MYO1B: variants seen among roughly 807,000 people sequenced by gnomAD.
MYO1B encodes the protein unconventional myosin-Ib.
Under a neutral mutation model 159.7 loss-of-function variants are expected in MYO1B, and 72 were observed. That is an observed-to-expected ratio of 0.45 (90% confidence interval 0.37 to 0.55). The LOEUF is 0.55. MYO1B is among the 20% of genes least tolerant of loss of function. The pLI, the probability that MYO1B is intolerant of heterozygous loss-of-function variation, is 0.00. For missense variants in MYO1B, 1,062 were observed against 1,364.8 expected (o/e 0.78, Z 3.50); for synonymous variants, 468 against 473.8 (o/e 0.99, Z 0.16).
At chr2:191,388,618 A>G (rs1011033848) in intron 17 of MYO1B, among the ~76,000 whole-genome samples, 1 of 152,138 alleles carries the variant, frequency 6.6e-6, no homozygotes, top group Admixed American at 6.5e-5. Context: ...TCAGATTAGA[A>G]CATATGTTGG....
At chr2:191,285,183 A>G (rs1252251454) in intron 2 of MYO1B, among the ~76,000 whole-genome samples, 1 of 152,216 alleles carries the variant, frequency 6.6e-6, no homozygotes, top group African/African-American at 2.4e-5. Flanking sequence ...AATGGTATAT[A>G]TTTGGAAAAT....
chr2:191,414,394 T>C, intron 28 of MYO1B, 123 bp from the exon 29 acceptor site: 1 of 1,064,990 alleles, frequency 9.4e-7, no homozygotes, highest in Non-Finnish European at 1.3e-6. Flanking sequence ...TACTGCGTTC[T>C]TGGTTTACAT....
chr2:191,330,064 A>C, intron 4 of MYO1B, 35 bp downstream of exon 4: 1 of 1,568,434 alleles, frequency 6.4e-7, no homozygotes, highest in Non-Finnish European at 8.8e-7. Context: ...GCAGAAGGTA[A>C]ATGCTGCACA....
chr2:191,390,473 C>T lies in MYO1B; in HGVS notation c.1963C>T (p.His655Tyr). The T allele has an allele frequency of 6.2e-7, 1 of 1,613,780 alleles. No individual in the cohort carries two copies. Among genetic ancestry groups the T allele is most frequent in the Non-Finnish European group, 8.5e-7 (1 of 1,179,846 alleles). Residue 655 changes from histidine (H) to tyrosine (Y), a missense_variant, in exon 18 of 31, where the codon CAT (histidine) becomes TAT (tyrosine). His to Tyr is a moderately conservative substitution (Grantham distance 83). Transcript: ENST00000392318. ...YKMLCKQTWP[H>Y]WKGPARSGVE... ...AATGCTTTGTAAACAAACATGGCCT[C>T]ATTGGAAAGGACCAGCCAGGTAAGA... is the stretch of plus-strand genomic sequence containing the variant.
intron 1 of MYO1B, among the ~76,000 whole-genome samples, chr2:191,270,892 T>A (rs1221642013): frequency 6.6e-6 from 1 of 152,264 alleles, no homozygotes; most frequent in African/African-American, 2.4e-5. Flanking sequence ...TCAAAGTGGC[T>A]TGAAGCCACT....
chr2:191,374,019 G>C (rs1694543303), intron 13 of MYO1B, among the ~76,000 whole-genome samples: 1 of 151,918 alleles, frequency 6.6e-6, no homozygotes, highest in Non-Finnish European at 1.5e-5. Context: ...GGGATTTTTA[G>C]GTACTTTTAC....
intron 15 of MYO1B, among the ~76,000 whole-genome samples, chr2:191,384,859 A>G (rs1456114349): frequency 2.0e-5 from 3 of 152,218 alleles, no homozygotes; most frequent in Admixed American, 6.5e-5. Context: ...GAACCTGGGT[A>G]TATAAAGGAA....
At chr2:191,299,212 C>T (rs1689159403) in intron 3 of MYO1B, among the ~76,000 whole-genome samples, 1 of 152,208 alleles carries the variant, frequency 6.6e-6, no homozygotes, top group Admixed American at 6.5e-5. Context: ...CACTGCTACT[C>T]TAGTTCACAC....
At chr2:191,287,302 C>T (rs748212199) in intron 2 of MYO1B, among the ~76,000 whole-genome samples, 34 of 152,126 alleles carry the variant, frequency 2.2e-4, no homozygotes, top group Admixed American at 1.4e-3. Context: ...CCGAGGTAGG[C>T]GGATCACCCG....
intron 3 of MYO1B, among the ~76,000 whole-genome samples, chr2:191,310,543 T>C (rs1015635685): frequency 2.0e-5 from 3 of 152,208 alleles, no homozygotes; most frequent in African/African-American, 4.8e-5. Context: ...TTGTAGTTTA[T>C]AGAAGATAAG....
intron 1 of MYO1B, among the ~76,000 whole-genome samples, chr2:191,264,583 A>G (rs1687016395): frequency 6.6e-6 from 1 of 152,074 alleles, no homozygotes; most frequent in African/African-American, 2.4e-5. Flanking sequence ...ACATGCTCAA[A>G]TGTGCCTTGA....
Position 191,381,581 on chromosome 2 carries a change from C to T in MYO1B, c.1290+15C>T. ...ATATACGGGAGGTAATGTTGAAATG[C>T]TATTTTTAAAAGTGTTGGTCCTTTT... On this transcript the variant is annotated intron_variant, in intron 14 of 30. Coordinates refer to ENST00000392318, the MANE Select transcript of MYO1B (RefSeq NM_001130158.3). 1 of 1,563,186 alleles carries T rather than the reference C, an allele frequency of 6.4e-7. No homozygotes were observed. The highest frequency in any genetic ancestry group is 8.8e-7 in the Non-Finnish European group (1 of 1,137,376).
chr2:191,355,146 C>T (rs184624277), intron 7 of MYO1B, among the ~76,000 whole-genome samples: 29 of 152,274 alleles, frequency 1.9e-4, no homozygotes, highest in African/African-American at 7.0e-4. Flanking sequence ...GGGTTAGCTG[C>T]TGGATGAGGA....
At chr2:191,412,930 T>G (rs1697337170) in intron 27 of MYO1B, among the ~76,000 whole-genome samples, 1 of 152,224 alleles carries the variant, frequency 6.6e-6, no homozygotes, top group Non-Finnish European at 1.5e-5. Context: ...GAGGCTTGAT[T>G]CTCCTTTCAT....
chr2:191,383,247 T>C (rs1695147661), intron 14 of MYO1B, 33 bp from the exon 15 acceptor site: 3 of 1,397,192 alleles, frequency 2.1e-6, no homozygotes, highest in Non-Finnish European at 3.0e-6. Context: ...CTTCATCTTG[T>C]GTCATTGGAT....
At chr2:191,279,204 GCTA>G (rs1687912213) in intron 2 of MYO1B, among the ~76,000 whole-genome samples, 1 of 152,130 alleles carries the variant, frequency 6.6e-6, no homozygotes, top group Non-Finnish European at 1.5e-5. Flanking sequence ...ATAATTCAGG[GCTA>G]CTGTTTCCAT....
chr2:191,260,418 T>G (rs1686741494), intron 1 of MYO1B, among the ~76,000 whole-genome samples: 1 of 152,026 alleles, frequency 6.6e-6, no homozygotes, highest in Non-Finnish European at 1.5e-5. Flanking sequence ...TATGTTTACA[T>G]AACATTGGTT....
intron 2 of MYO1B, among the ~76,000 whole-genome samples, chr2:191,279,587 C>T (rs1486476733): frequency 6.6e-6 from 1 of 152,026 alleles, no homozygotes; most frequent in Non-Finnish European, 1.5e-5. Flanking sequence ...TGTATTCTTC[C>T]CTGGTGAAAT....
In MYO1B at chr2:191,400,741, C is replaced by T; in HGVS notation, c.2383-8C>T. 1.2e-6 allele frequency: 2 copies of T among 1,613,512 alleles called. No individual in the cohort carries two copies. The highest frequency in any genetic ancestry group is 3.3e-5 in the Admixed American group (2 of 59,940). On this transcript the variant is annotated splice_region_variant and splice_polypyrimidine_tract_variant and intron_variant, in intron 22 of 30. Coordinates refer to ENST00000392318, the MANE Select transcript of MYO1B (RefSeq NM_001130158.3). ...CTTTTCTGTAACTCCTTTTCAAATG[C>T]ATCACAGGCACGAAGGGAACTGAGA...
Sources: gnomAD v4.1 joint callset for allele counts (sites outside exome capture counted in the v4.1 genomes callset) on GRCh38, gnomAD v4.1.1 for gene constraint, MANE v1.5 for transcripts, NCBI Gene and HGNC (gene_info 2026-07-23, HGNC 2026-07-21) for gene names.